BCAR3: variants seen among roughly 807,000 people sequenced by gnomAD.
BCAR3 encodes the protein BCAR3 adaptor protein, NSP family member, also known as breast cancer anti-estrogen resistance protein 3.
Under a neutral mutation model 80.1 loss-of-function variants are expected in BCAR3, and 37 were observed. The ratio of observed to expected loss-of-function variants is 0.46; its 90% CI spans 0.36 to 0.61. The LOEUF is 0.61. BCAR3 is among the 20% of genes least tolerant of loss of function. BCAR3 has a pLI of 0.00. For missense variants in BCAR3, 978 were observed against 1,068.2 expected (o/e 0.92, Z 1.18); for synonymous variants, 389 against 418.9 (o/e 0.93, Z 0.87).
chr1:93,725,272 G>A (rs1224920511), intron 2 of BCAR3, among the ~76,000 whole-genome samples: 1 of 152,166 alleles, frequency 6.6e-6, no homozygotes, highest in Non-Finnish European at 1.5e-5. Flanking sequence ...ATTTCATGTG[G>A]GATGTGGATG....
chr1:93,750,119 A>G (rs904815668), intron 2 of BCAR3, among the ~76,000 whole-genome samples: 3 of 152,210 alleles, frequency 2.0e-5, no homozygotes, highest in Admixed American at 1.3e-4. Flanking sequence ...AGCTAAGTGG[A>G]AGCAATTCAG....
At chr1:93,799,047 C>G (rs1455052281) in intron 2 of BCAR3, among the ~76,000 whole-genome samples, 2 of 152,200 alleles carry the variant, frequency 1.3e-5, no homozygotes, top group Admixed American at 1.3e-4. Context: ...TTCAAAAAAG[C>G]TTCTGCAGAA....
chr1:93,738,873 C>T (rs1171269588), intron 2 of BCAR3, among the ~76,000 whole-genome samples: 1 of 152,070 alleles, frequency 6.6e-6, no homozygotes, highest in Non-Finnish European at 1.5e-5. Context: ...TAGTTAGGAC[C>T]CTTCAGGTGA....
rs115451015 is a variant in BCAR3, at chr1:93,606,665, T to C, written c.358-14272A>G. ...GGACATAGGTTGACTGGAGAGCCTATCTGGAGAACTACGGCTTGGGAGTCC... is the reference window on the plus strand; with the variant it reads ...GGACATAGGTTGACTGGAGAGCCTACCTGGAGAACTACGGCTTGGGAGTCC... On this transcript the variant is annotated intron_variant, in intron 3 of 11. Transcript: ENST00000260502. Among the ~76,000 whole-genome samples the C allele has an allele frequency of 7.6e-3, 1,155 of 152,248 alleles. 12 individuals carry two copies. The highest frequency in any genetic ancestry group is 0.026 in the African/African-American group (1,087 of 41,522).
At chr1:93,836,604 C>G (rs960648069) in intron 2 of BCAR3, among the ~76,000 whole-genome samples, 9 of 151,998 alleles carry the variant, frequency 5.9e-5, no homozygotes, top group Non-Finnish European at 5.9e-5. Context: ...CTCCATACCA[C>G]CCCCCAAAAT....
intron 2 of BCAR3, among the ~76,000 whole-genome samples, chr1:93,819,710 C>T (rs569436267): frequency 6.6e-6 from 1 of 152,258 alleles, no homozygotes; most frequent in African/African-American, 2.4e-5. Context: ...ACCACAAACA[C>T]TATAACTTTG....
intron 7 of BCAR3, among the ~76,000 whole-genome samples, chr1:93,578,969 A>G (rs1673582058): frequency 2.0e-5 from 3 of 152,198 alleles, no homozygotes; most frequent in African/African-American, 7.2e-5. Flanking sequence ...CTGATGTGGC[A>G]GAGGCAGGAT....
intron 2 of BCAR3, among the ~76,000 whole-genome samples, chr1:93,785,332 G>T (rs1652901080): frequency 6.6e-6 from 1 of 152,168 alleles, no homozygotes; most frequent in Non-Finnish European, 1.5e-5. Context: ...TGAGTTAAGT[G>T]GTAACAGGGA....
At chr1:93,566,218 A>G (rs549107122) in intron 11 of BCAR3, among the ~76,000 whole-genome samples, 2 of 152,154 alleles carry the variant, frequency 1.3e-5, no homozygotes, top group East Asian at 3.9e-4. Context: ...GTTTTCCCCA[A>G]GGTCTCTCAG....
chr1:93,577,871 T>C (rs1180172842), intron 7 of BCAR3, among the ~76,000 whole-genome samples: 5 of 152,226 alleles, frequency 3.3e-5, no homozygotes, highest in Admixed American at 1.3e-4. Context: ...CTCTCCAGTC[T>C]GCATTTCGTC....
chr1:93,739,822 G>A (rs1273754460), intron 2 of BCAR3, among the ~76,000 whole-genome samples: 1 of 152,118 alleles, frequency 6.6e-6, no homozygotes, highest in Non-Finnish European at 1.5e-5. Context: ...ATCACCTGAG[G>A]TCAGGAGTTT....
intron 2 of BCAR3, among the ~76,000 whole-genome samples, chr1:93,799,699 A>T (rs1653409340): frequency 6.6e-6 from 1 of 152,244 alleles, no homozygotes; most frequent in South Asian, 2.1e-4. Context: ...ACAAGAGATC[A>T]TCCACATACT....
chr1:93,635,682 G>T (rs1473401849), intron 3 of BCAR3, among the ~76,000 whole-genome samples: 1 of 152,240 alleles, frequency 6.6e-6, no homozygotes, highest in East Asian at 1.9e-4. Context: ...TTTGATCTCT[G>T]GTCCCACAGG....
intron 2 of BCAR3, among the ~76,000 whole-genome samples, chr1:93,790,056 T>C (rs1247566251): frequency 6.6e-6 from 1 of 152,188 alleles, no homozygotes; most frequent in African/African-American, 2.4e-5. Context: ...AGACTGCCTT[T>C]ACTTACATTC....
intron 3 of BCAR3, among the ~76,000 whole-genome samples, chr1:93,705,185 G>T (rs565617959): frequency 6.6e-6 from 1 of 152,176 alleles, no homozygotes; most frequent in Non-Finnish European, 1.5e-5. Flanking sequence ...GGGTTTCTGC[G>T]TGGAAAAGAA....
intron 2 of BCAR3, among the ~76,000 whole-genome samples, chr1:93,669,540 T>C (rs1434076789): frequency 6.6e-6 from 1 of 152,176 alleles, no homozygotes; most frequent in Admixed American, 6.5e-5. Context: ...AACACCACAT[T>C]GTCCTACCAC....
intron 2 of BCAR3, among the ~76,000 whole-genome samples, chr1:93,820,276 C>A (rs1265040415): frequency 1.3e-5 from 2 of 152,192 alleles, no homozygotes; most frequent in Non-Finnish European, 2.9e-5. Context: ...TCTGCAGACA[C>A]CAATTAGGAT....
rs531801996 is a variant in BCAR3, at chr1:93,658,187, C to T, written c.318-15844G>A. Reference sequence around the variant, plus strand: ...ATCTCCTGACCTCGTGATCCGCCCGCCTCGGCCTCCCAAAGTGCTAGGATT... The same window carrying T: ...ATCTCCTGACCTCGTGATCCGCCCGTCTCGGCCTCCCAAAGTGCTAGGATT... On this transcript the variant is annotated intron_variant, in intron 2 of 11. Coordinates refer to ENST00000260502, the MANE Select transcript of BCAR3 (RefSeq NM_003567.4). 2.0e-5 allele frequency among the ~76,000 whole-genome samples: 3 copies of T among 152,224 alleles called. No individual in the cohort carries two copies. In the South Asian group the frequency reaches 6.2e-4, roughly 32 times the overall value.
chr1:93,766,252 C>T (rs1259124407), intron 2 of BCAR3, among the ~76,000 whole-genome samples: 1 of 152,218 alleles, frequency 6.6e-6, no homozygotes, highest in Non-Finnish European at 1.5e-5. Flanking sequence ...GGTGACCCCT[C>T]CTAACTCATC....
Sources: gnomAD v4.1 joint callset for allele counts (sites outside exome capture counted in the v4.1 genomes callset) on GRCh38, gnomAD v4.1.1 for gene constraint, MANE v1.5 for transcripts, NCBI Gene and HGNC (gene_info 2026-07-23, HGNC 2026-07-21) for gene names.